PSMA4: variants seen among roughly 807,000 people sequenced by gnomAD.
PSMA4 encodes the protein proteasome 20S subunit alpha 4.
PSMA4 carries 8 observed loss-of-function variants against 37.2 expected under a neutral mutation model. That is an observed-to-expected ratio of 0.22 (90% confidence interval 0.13 to 0.39). The LOEUF is 0.39. Among genes scored for constraint, PSMA4 ranks in the 10% least tolerant of loss-of-function variants. The probability of loss-of-function intolerance (pLI) is 1.00; values close to 1 mark genes in which losing one functional copy is unlikely to be tolerated. For missense variants in PSMA4, 169 were observed against 305.1 expected (o/e 0.55, Z 3.32); for synonymous variants, 93 against 98.8 (o/e 0.94, Z 0.35).
chr15:78,552,066 A>C lies in PSMA4; in HGVS notation c.*3122A>C, dbSNP rs1405424975. ...TCCTTGCGATGGGGTTTGGCTGCCT[A>C]GTCTAGATTCTCACGCTAGCCCCAC... is the stretch of plus-strand genomic sequence containing the variant. On this transcript the variant is annotated 3_prime_UTR_variant, in exon 9 of 9. Coordinates refer to ENST00000044462, the MANE Select transcript of PSMA4 (RefSeq NM_002789.6). 1 of 152,168 alleles carries C rather than the reference A, an allele frequency of 6.6e-6. No individual in the cohort carries two copies. The highest frequency in any genetic ancestry group is 6.5e-5 in the Admixed American group (1 of 15,272). The allele number at this position is 152,168 out of a possible 1,614,324, so 9.4% of individuals were successfully genotyped here. A position where few individuals can be genotyped will look rare whatever the true frequency, so the allele number is the denominator to read the frequency against.
At chr15:78,542,260 A>T (rs1386266958) in intron 3 of PSMA4, 41 bp downstream of exon 3, 1 of 1,553,576 alleles carries the variant, frequency 6.4e-7, no homozygotes, top group Non-Finnish European at 8.7e-7. Context: ...GTTTAAAAAT[A>T]AATGTGTTAG....
intron 7 of PSMA4, among the ~76,000 whole-genome samples, 155 bp from the exon 8 acceptor site, chr15:78,546,420 G>C (rs979919338): frequency 6.6e-6 from 1 of 150,518 alleles, no homozygotes; most frequent in Admixed American, 6.6e-5. Flanking sequence ...CTACACTCCA[G>C]CCTGGGCAAC....
intron 8 of PSMA4, among the ~76,000 whole-genome samples, chr15:78,547,319 T>C (rs751313771): frequency 2.0e-5 from 3 of 152,202 alleles, no homozygotes; most frequent in Admixed American, 1.3e-4. Context: ...TTAACAGTTA[T>C]CAAGTCTTCT....
rs2052634139 is a variant in PSMA4, at chr15:78,550,906, T to G, written c.*1962T>G. ...GTACATTTTATGAGAATGCAAATTT[T>G]GCAAATTCACAAGTACAGAATCAGC... On this transcript the variant is annotated 3_prime_UTR_variant, in exon 9 of 9. Transcript: ENST00000044462. 6.6e-6 allele frequency: 1 copy of G among 152,186 alleles called. No homozygotes were observed. The allele number at this position is 152,186 out of a possible 1,614,324, so 9.4% of individuals were successfully genotyped here.
rs147521961 is a variant in PSMA4 at position 78,548,865 on chromosome 15, T to G, written c.707T>G (p.Leu236Trp). 4.5e-4 allele frequency: 728 copies of G among 1,613,070 alleles called. No individual in the cohort carries two copies. Among genetic ancestry groups the G allele is most frequent in the Non-Finnish European group, 5.6e-4 (656 of 1,179,598 alleles). Reference sequence around the variant, plus strand: ...CTCAAACAAAAAGAAGTGGAGCAGTTGATCAAAAAACATGAGGAAGAAGAA... The same window carrying G: ...CTCAAACAAAAAGAAGTGGAGCAGTGGATCAAAAAACATGAGGAAGAAGAA... The part of the protein sequence containing the change: ...RVLKQKEVEQ[L>W]IKKHEEEEAK... Residue 236 changes from leucine to tryptophan, a missense_variant, in exon 9 of 9, where the codon TTG (leucine) becomes TGG (tryptophan). Transcript: ENST00000044462.
intron 4 of PSMA4, 114 bp downstream of exon 4, chr15:78,542,759 T>G: frequency 9.5e-7 from 1 of 1,052,462 alleles, no homozygotes; most frequent in Non-Finnish European, 1.3e-6. Flanking sequence ...AAATTGTGCC[T>G]TTATTTTGCT....
At position 78,552,026 on chromosome 15, in the gene PSMA4, A is replaced by G. The variant is rs539417272; in HGVS notation, c.*3082A>G. 3 of 152,196 alleles carry G rather than the reference A, an allele frequency of 2.0e-5. No homozygotes were observed. The highest frequency in any genetic ancestry group is 7.2e-5 in the African/African-American group (3 of 41,438). The allele number at this position is 152,196 out of a possible 1,614,324, so 9.4% of individuals were successfully genotyped here. ...GAGGTGAGGCAAAAGCTACTCTTTA[A>G]CTGTGAGTTTTTTTTCCTTGCGATG... On this transcript the variant is annotated 3_prime_UTR_variant, in exon 9 of 9. Coordinates refer to ENST00000044462, the MANE Select transcript of PSMA4 (RefSeq NM_002789.6).
Position 78,548,942 on chromosome 15 carries a change from TAGAATC to T in PSMA4, c.*2_*7del, listed in dbSNP as rs754072307. The T allele has an allele frequency of 2.5e-6, 4 of 1,603,614 alleles. No homozygotes were observed. Among genetic ancestry groups the T allele is most frequent in the African/African-American group, 1.4e-5 (1 of 74,058 alleles). On this transcript the variant is annotated stop_retained_variant and 3_prime_UTR_variant, in exon 9 of 9. Coordinates refer to ENST00000044462, the MANE Select transcript of PSMA4 (RefSeq NM_002789.6). ...AAAAGAACAGAAAGAAAAGGATAAA[TAGAATC>T]AGAGATTTTATTACTCATTTGGGGC...
chr15:78,542,730 G>A lies in PSMA4; in HGVS notation c.209+85G>A, dbSNP rs185351987. On this transcript the variant is annotated intron_variant, in intron 4 of 8. Transcript: ENST00000044462. ...CTATGTAATTTGGGAGGGCTCTTCC[G>A]TGCGATGTGGTAGAATTGAAATTGT... The A allele has an allele frequency of 7.8e-5, 98 of 1,262,702 alleles. 1 individual carries two copies. Among genetic ancestry groups the A allele is most frequent in the Middle Eastern group, 4.8e-4 (2 of 4,172 alleles). The allele number at this position is 1,262,702 out of a possible 1,614,324, so 78.2% of individuals were successfully genotyped here.
intron 8 of PSMA4, among the ~76,000 whole-genome samples, chr15:78,547,700 G>A (rs887764635): frequency 6.6e-6 from 1 of 151,840 alleles, no homozygotes; most frequent in African/African-American, 2.4e-5. Flanking sequence ...GCTAGGCATG[G>A]TGGTGCATGC....
At chr15:78,546,778 T>C in intron 8 of PSMA4, 80 bp downstream of exon 8, 1 of 1,486,056 alleles carries the variant, frequency 6.7e-7, no homozygotes, top group Non-Finnish European at 9.1e-7. Flanking sequence ...CTTTTTTTTT[T>C]TTTTTTGAGA....
intron 7 of PSMA4, among the ~76,000 whole-genome samples, chr15:78,546,304 C>T (rs374972415): frequency 1.3e-5 from 2 of 151,820 alleles, no homozygotes; most frequent in Non-Finnish European, 1.5e-5. Flanking sequence ...ATTTGCTGGG[C>T]GCCATGGCAT....
At chr15:78,541,778 C>T (rs1303372684) in intron 1 of PSMA4, 127 bp from the exon 2 acceptor site, 65 of 778,634 alleles carry the variant, frequency 8.3e-5, no homozygotes, top group Non-Finnish European at 1.5e-5. Context: ...TTTGGTATTC[C>T]AGCATCTAGC....
In PSMA4 at chr15:78,551,971, A is replaced by C. The variant is rs1225904401; in HGVS notation, c.*3027A>C. 6.6e-6 allele frequency: 1 copy of C among 152,196 alleles called. No individual in the cohort carries two copies. The highest frequency in any genetic ancestry group is 1.5e-5 in the Non-Finnish European group (1 of 68,044). 9.4% of individuals were successfully genotyped at this position (152,196 alleles called of 1,614,324 possible). A position where few individuals can be genotyped will look rare whatever the true frequency, so the allele number is the denominator to read the frequency against. On this transcript the variant is annotated 3_prime_UTR_variant, in exon 9 of 9. Coordinates refer to ENST00000044462, the MANE Select transcript of PSMA4 (RefSeq NM_002789.6). ...CGTATTCATCTTTTTGTTGAAATAAATTCATACTGTGAGGAAAAGCAAAAG... is the reference window on the plus strand; with the variant it reads ...CGTATTCATCTTTTTGTTGAAATAACTTCATACTGTGAGGAAAAGCAAAAG...
In PSMA4 at chr15:78,545,088, A is replaced by G. The variant is rs529580171; in HGVS notation, c.376+131A>G. ...TAAATTTAATTTTTTTAATTGGCAA[A>G]TAAGAATTGTACATATTCATGAGGT... On this transcript the variant is annotated intron_variant, in intron 6 of 8. Transcript: ENST00000044462. 25 of 591,506 alleles carry G rather than the reference A, an allele frequency of 4.2e-5. 1 individual carries two copies. In the African/African-American group the frequency reaches 4.5e-4, roughly 11 times the overall value. The allele number at this position is 591,506 out of a possible 1,614,324, so 36.6% of individuals were successfully genotyped here.
chr15:78,544,401 C>T (rs75653870), intron 5 of PSMA4, 134 bp downstream of exon 5: 22 of 560,080 alleles, frequency 3.9e-5, no homozygotes, highest in Non-Finnish European at 6.2e-5. Context: ...CTGCAACCTC[C>T]GCCTCCCGGG....
At chr15:78,547,137 T>C (rs905553392) in intron 8 of PSMA4, among the ~76,000 whole-genome samples, 1 of 152,218 alleles carries the variant, frequency 6.6e-6, no homozygotes, top group African/African-American at 2.4e-5. Context: ...GGTGATGTTA[T>C]CCCTGTCTTC....
At chr15:78,544,294 GATA>G (rs2141375231) in intron 5 of PSMA4, 27 bp downstream of exon 5, 1 of 1,393,346 alleles carries the variant, frequency 7.2e-7, no homozygotes, top group East Asian at 2.4e-5. Flanking sequence ...CATAACTGAT[GATA>G]CAGAAATTAG....
At chr15:78,542,344 A>T in intron 3 of PSMA4, 125 bp downstream of exon 3, 1 of 1,397,100 alleles carries the variant, frequency 7.2e-7, no homozygotes, top group South Asian at 1.3e-5. Context: ...TGAAGCAATT[A>T]TCATCACCAG....
Sources: allele counts gnomAD v4.1 joint callset (sites outside exome capture counted in the v4.1 genomes callset), GRCh38; gene constraint gnomAD v4.1.1; transcripts MANE v1.5; gene names NCBI Gene and HGNC (gene_info 2026-07-23, HGNC 2026-07-21).